FAM89A: variants seen among roughly 807,000 people sequenced by gnomAD.
FAM89A encodes the protein protein FAM89A.
A neutral mutation model predicts 7.1 loss-of-function variants in FAM89A; 10 were observed. The ratio of observed to expected loss-of-function variants is 1.40; its 90% CI spans 0.86 to 2.38. FAM89A has a LOEUF of 2.38. FAM89A is among the 30% of genes most tolerant of loss of function. The pLI, the probability that FAM89A is intolerant of heterozygous loss-of-function variation, is 0.00. For missense variants in FAM89A, 276 were observed against 262.8 expected, an observed-to-expected ratio of 1.05 and a Z score of -0.35; for synonymous variants, 157 against 129.3, an observed-to-expected ratio of 1.21 and a Z score of -1.45.
intron 1 of FAM89A, among the ~76,000 whole-genome samples, chr1:231,020,575 CAACAGAATG>C: frequency 6.6e-6 from 1 of 152,302 alleles, no homozygotes; most frequent in South Asian, 2.1e-4. Flanking sequence ...CTCCCAGGGG[CAACAGAATG>C]CCCTTTGCCA....
In FAM89A at chr1:231,019,627, T is replaced by C; in HGVS notation, c.*236A>G. The stretch of plus-strand genomic sequence containing the variant: ...GCAGGTGCACCTCAATAAATAGGTG[T>C]GGAGGATACTGCTGAGGACCTCTAG... On this transcript the variant is annotated 3_prime_UTR_variant, in exon 2 of 2. Transcript: ENST00000366654. The C allele has an allele frequency of 1.9e-6, 1 of 515,382 alleles. No individual in the cohort carries two copies. Among genetic ancestry groups the C allele is most frequent in the African/African-American group, 1.9e-5 (1 of 52,544 alleles). The allele number at this position is 515,382 out of a possible 1,614,324, so 31.9% of individuals were successfully genotyped here.
intron 1 of FAM89A, among the ~76,000 whole-genome samples, chr1:231,039,031 A>G (rs1005491781): frequency 6.6e-6 from 1 of 152,232 alleles, no homozygotes; most frequent in Non-Finnish European, 1.5e-5. Flanking sequence ...AAGATGGTAG[A>G]AAAGAGGAAA....
chr1:231,030,084 C>A (rs1680043500), intron 1 of FAM89A, among the ~76,000 whole-genome samples: 1 of 152,204 alleles, frequency 6.6e-6, no homozygotes, highest in Non-Finnish European at 1.5e-5. Context: ...ACTCTCAGCT[C>A]CCTGGTGGGT....
In FAM89A at chr1:231,019,776, G is replaced by A; in HGVS notation, c.*87C>T. ...GTGCCCGAGGACCGTCCACAACGGA[G>A]GTGCTTTCTTGCAAGAGAAGCAGCA... On this transcript the variant is annotated 3_prime_UTR_variant, in exon 2 of 2. Coordinates refer to ENST00000366654, the MANE Select transcript of FAM89A (RefSeq NM_198552.3). The A allele has an allele frequency of 6.8e-7, 1 of 1,466,416 alleles. No homozygotes were observed. The highest frequency in any genetic ancestry group is 2.3e-5 in the East Asian group (1 of 43,488). The allele number at this position is 1,466,416 out of a possible 1,614,324, so 90.8% of individuals were successfully genotyped here.
At chr1:231,039,621 C>G (rs1328191941) in intron 1 of FAM89A, among the ~76,000 whole-genome samples, 1 of 152,200 alleles carries the variant, frequency 6.6e-6, no homozygotes, top group African/African-American at 2.4e-5. Context: ...AGGCCAGGCA[C>G]GAACCCCGCA....
intron 1 of FAM89A, among the ~76,000 whole-genome samples, chr1:231,035,577 G>T (rs897558784): frequency 3.9e-5 from 6 of 152,172 alleles, no homozygotes; most frequent in African/African-American, 1.4e-4. Flanking sequence ...TCGCACGGGT[G>T]CTGGGAAGGG....
intron 1 of FAM89A, chr1:231,028,639 C>G (rs1271422642): frequency 2.0e-5 from 3 of 152,204 alleles, no homozygotes; most frequent in Admixed American, 1.3e-4. Flanking sequence ...TGCAGACAGG[C>G]TCATTTAAGA....
At chr1:231,022,561 A>T (rs1679899907) in intron 1 of FAM89A, among the ~76,000 whole-genome samples, 1 of 152,110 alleles carries the variant, frequency 6.6e-6, no homozygotes, top group African/African-American at 2.4e-5. Flanking sequence ...CGGTCGACCA[A>T]TCTGCCTGCC....
At chr1:231,032,696 C>T (rs1433976982) in intron 1 of FAM89A, among the ~76,000 whole-genome samples, 1 of 152,132 alleles carries the variant, frequency 6.6e-6, no homozygotes, top group East Asian at 1.9e-4. Flanking sequence ...TTTATTAATC[C>T]ATTTAGGTTA....
chr1:231,038,518 C>T (rs939131703), intron 1 of FAM89A, among the ~76,000 whole-genome samples: 1 of 152,222 alleles, frequency 6.6e-6, no homozygotes, highest in African/African-American at 2.4e-5. Context: ...ACTGTAAACA[C>T]ACTACGTGTA....
At chr1:231,029,836 G>T (rs1211653975) in intron 1 of FAM89A, among the ~76,000 whole-genome samples, 1 of 152,300 alleles carries the variant, frequency 6.6e-6, no homozygotes, top group Non-Finnish European at 1.5e-5. Context: ...TAAAGACTTG[G>T]TAAATGCCCC....
chr1:231,033,205 C>T (rs546771290), intron 1 of FAM89A, among the ~76,000 whole-genome samples: 8 of 152,344 alleles, frequency 5.3e-5, no homozygotes, highest in East Asian at 1.9e-4. Flanking sequence ...AAGGCCAAGG[C>T]GGCCAGGAGG....
intron 1 of FAM89A, among the ~76,000 whole-genome samples, chr1:231,020,540 A>G (rs1024343513): frequency 6.6e-6 from 1 of 152,202 alleles, no homozygotes; most frequent in Non-Finnish European, 1.5e-5. Flanking sequence ...CTGCGTTAGG[A>G]TCTGACTGAT....
intron 1 of FAM89A, among the ~76,000 whole-genome samples, chr1:231,037,807 C>T (rs956551052): frequency 3.9e-5 from 6 of 152,128 alleles, no homozygotes; most frequent in African/African-American, 1.4e-4. Flanking sequence ...AGGTCTTCCA[C>T]ACCACCCTGC....
At chr1:231,038,401 C>A (rs1417653620) in intron 1 of FAM89A, among the ~76,000 whole-genome samples, 1 of 152,228 alleles carries the variant, frequency 6.6e-6, no homozygotes, top group Non-Finnish European at 1.5e-5. Context: ...AGCTTCACAA[C>A]AGGAGCGGCC....
chr1:231,021,818 G>C, intron 1 of FAM89A: 1 of 1,601,412 alleles, frequency 6.2e-7, no homozygotes, highest in Non-Finnish European at 8.6e-7. Context: ...TGTTGTGATT[G>C]TTGACAAAAG....
intron 1 of FAM89A, among the ~76,000 whole-genome samples, chr1:231,032,848 G>A (rs1680098114): frequency 6.6e-6 from 1 of 152,186 alleles, no homozygotes; most frequent in East Asian, 1.9e-4. Context: ...GCAGAGGACA[G>A]AGGCCCTCCC....
At chr1:231,020,760 G>A (rs1267447191) in intron 1 of FAM89A, among the ~76,000 whole-genome samples, 2 of 152,260 alleles carry the variant, frequency 1.3e-5, no homozygotes, top group African/African-American at 4.8e-5. Context: ...GGAAGCCCTG[G>A]AAGATGAAGG....
chr1:231,032,803 T>C (rs1246169699), intron 1 of FAM89A, among the ~76,000 whole-genome samples: 1 of 152,160 alleles, frequency 6.6e-6, no homozygotes, highest in Non-Finnish European at 1.5e-5. Context: ...GGCCTGGGGT[T>C]CCCCAACAAT....
Sources: gnomAD v4.1 joint callset for allele counts (sites outside exome capture counted in the v4.1 genomes callset) on GRCh38, gnomAD v4.1.1 for gene constraint, MANE v1.5 for transcripts, NCBI Gene and HGNC (gene_info 2026-07-23, HGNC 2026-07-21) for gene names.